The following CCSER1 variants were observed in gnomAD, a reference collection of about 807,000 sequenced individuals.
CCSER1 encodes coiled-coil serine rich protein 1.
In CCSER1, 41 loss-of-function variants were observed where a neutral mutation model predicts 82.0. That is an observed-to-expected ratio of 0.50 (90% confidence interval 0.39 to 0.65). The LOEUF (loss-of-function observed/expected upper bound fraction) is 0.65. Ranked by LOEUF, CCSER1 falls within the 30% of genes least tolerant of loss-of-function variation. The pLI, the probability that CCSER1 is intolerant of heterozygous loss-of-function variation, is 0.00. For missense variants in CCSER1, 1,119 were observed against 1,064.2 expected (o/e 1.05, Z -0.72); for synonymous variants, 414 against 383.9 (o/e 1.08, Z -0.92).
chr4:90,369,707 T>C (rs1426043612), intron 3 of CCSER1, among the ~76,000 whole-genome samples: 2 of 152,076 alleles, frequency 1.3e-5, no homozygotes, highest in East Asian at 3.9e-4. Context: ...AGATCTTAGA[T>C]AAAAATTGTT....
intron 7 of CCSER1, among the ~76,000 whole-genome samples, chr4:90,806,800 GC>G (rs1561170405): frequency 6.6e-6 from 1 of 151,506 alleles, no homozygotes; most frequent in East Asian, 2.0e-4. Context: ...CCCTCATTTG[GC>G]TCATAGAGAA....
At chr4:91,143,513 A>C (rs1185509890) in intron 10 of CCSER1, among the ~76,000 whole-genome samples, 1 of 152,060 alleles carries the variant, frequency 6.6e-6, no homozygotes, top group East Asian at 1.9e-4. Flanking sequence ...TTCCAGTACT[A>C]TGTTGAATAG....
chr4:91,256,197 T>C (rs1041987339), intron 10 of CCSER1, among the ~76,000 whole-genome samples: 2 of 152,148 alleles, frequency 1.3e-5, no homozygotes, highest in Non-Finnish European at 2.9e-5. Flanking sequence ...CAGTTGCAGA[T>C]AGGGATGAAA....
intron 10 of CCSER1, among the ~76,000 whole-genome samples, chr4:91,446,159 C>CT (rs1241619950): frequency 6.6e-6 from 1 of 151,212 alleles, no homozygotes; most frequent in Admixed American, 6.6e-5. Context: ...TCATTGTTTG[C>CT]TTTTTTGTTT....
At position 91,511,941 on chromosome 4, in the gene CCSER1, C is replaced by T. The variant is rs112851198; in HGVS notation, c.2218-86631C>T. ...AGTGGTCTGTGGAAAAATTGTCTGC[C>T]GTGAAACCAGTACCTGGTGTGAAAA... is the stretch of plus-strand genomic sequence containing the variant. On this transcript the variant is annotated intron_variant, in intron 10 of 10. Transcript: ENST00000509176. Among the ~76,000 whole-genome samples, 98 of 152,252 alleles carry T rather than the reference C, an allele frequency of 6.4e-4. 1 individual carries two copies. The highest frequency in any genetic ancestry group is 2.2e-3 in the African/African-American group (90 of 41,546).
intron 10 of CCSER1, among the ~76,000 whole-genome samples, chr4:91,208,433 C>T (rs13141161): frequency 0.41 from 62,522 of 151,510 alleles, 13,575 homozygotes; most frequent in East Asian, 0.86. Flanking sequence ...TCCTATTTTA[C>T]TCTTCTACAT....
intron 10 of CCSER1, among the ~76,000 whole-genome samples, chr4:91,342,106 T>C: frequency 6.6e-6 from 1 of 152,138 alleles, no homozygotes; most frequent in Non-Finnish European, 1.5e-5. Context: ...TCTAAAAAAA[T>C]AGGAAACTTC....
chr4:90,223,045 T>C (rs1028476441), intron 1 of CCSER1, among the ~76,000 whole-genome samples: 4 of 152,190 alleles, frequency 2.6e-5, no homozygotes, highest in Non-Finnish European at 5.9e-5. Context: ...ACAGTCAAGA[T>C]GCTGAACAGT....
At chr4:91,191,969 C>T (rs1167650415) in intron 10 of CCSER1, among the ~76,000 whole-genome samples, 1 of 152,182 alleles carries the variant, frequency 6.6e-6, no homozygotes, top group Non-Finnish European at 1.5e-5. Context: ...TTCATCTCCT[C>T]TCCTTCTGTT....
chr4:91,379,201 T>A (rs1188016998), intron 10 of CCSER1, among the ~76,000 whole-genome samples: 1 of 152,044 alleles, frequency 6.6e-6, no homozygotes, highest in Non-Finnish European at 1.5e-5. Flanking sequence ...GGGATATTGG[T>A]CTAAAATTCT....
chr4:90,318,136 G>T (rs1016978654), intron 3 of CCSER1, among the ~76,000 whole-genome samples: 4 of 152,030 alleles, frequency 2.6e-5, no homozygotes, highest in African/African-American at 9.7e-5. Flanking sequence ...TGGTCTTTGT[G>T]GTTGAAAAGA....
intron 5 of CCSER1, among the ~76,000 whole-genome samples, chr4:90,506,375 G>A (rs10009480): frequency 0.04 from 6,122 of 152,142 alleles, 195 homozygotes; most frequent in Non-Finnish European, 0.06. Flanking sequence ...TATGTTTCTT[G>A]TTTGTGTTTT....
At chr4:90,614,452 A>G (rs1277333365) in intron 5 of CCSER1, among the ~76,000 whole-genome samples, 1 of 152,218 alleles carries the variant, frequency 6.6e-6, no homozygotes, top group Non-Finnish European at 1.5e-5. Context: ...TTTGACAAAC[A>G]GCCACGTTGT....
At chr4:90,929,282 A>G (rs553272371) in intron 9 of CCSER1, among the ~76,000 whole-genome samples, 13 of 152,294 alleles carry the variant, frequency 8.5e-5, no homozygotes, top group African/African-American at 3.1e-4. Flanking sequence ...AAAATTTATA[A>G]CAAATTAATA....
At chr4:91,109,766 A>G (rs1187622459) in intron 10 of CCSER1, among the ~76,000 whole-genome samples, 1 of 152,152 alleles carries the variant, frequency 6.6e-6, no homozygotes, top group Non-Finnish European at 1.5e-5. Flanking sequence ...AGAGTAATTC[A>G]TAAATGTTTT....
chr4:91,009,470 C>G (rs1738822883), intron 9 of CCSER1, among the ~76,000 whole-genome samples: 1 of 151,734 alleles, frequency 6.6e-6, no homozygotes, highest in Admixed American at 6.6e-5. Context: ...CAGTCACCTT[C>G]CCAGGTAGGC....
intron 10 of CCSER1, among the ~76,000 whole-genome samples, chr4:91,594,695 A>T (rs1029340324): frequency 6.6e-6 from 1 of 152,054 alleles, no homozygotes; most frequent in African/African-American, 2.4e-5. Context: ...TTTCTTCAAG[A>T]TCTAAATTCT....
chr4:91,582,238 T>C lies in CCSER1; in HGVS notation c.2218-16334T>C, dbSNP rs188023415. Among the ~76,000 whole-genome samples, 3 of 151,678 alleles carry C rather than the reference T, an allele frequency of 2.0e-5. No individual in the cohort carries two copies. In the East Asian group the frequency reaches 5.8e-4, roughly 29 times the overall value. On this transcript the variant is annotated intron_variant, in intron 10 of 10. Coordinates refer to ENST00000509176, the MANE Select transcript of CCSER1 (RefSeq NM_001145065.2). ...AGAAGTTTGTGCAGAAACCACTTTC[T>C]ATAAGGAACAGGCAGAAGATAACTG...
At chr4:90,910,218 A>T (rs144629437) in intron 8 of CCSER1, among the ~76,000 whole-genome samples, 1 of 152,308 alleles carries the variant, frequency 6.6e-6, no homozygotes, top group African/African-American at 2.4e-5. Flanking sequence ...CCATGATTTA[A>T]TCATCTCCCA....
Sources: allele counts gnomAD v4.1 joint callset (sites outside exome capture counted in the v4.1 genomes callset), GRCh38; gene constraint gnomAD v4.1.1; transcripts MANE v1.5; gene names NCBI Gene and HGNC (gene_info 2026-07-23, HGNC 2026-07-21).